Variants in LBP observed in about 807,000 individuals in gnomAD.
LBP encodes lipopolysaccharide binding protein.
A neutral mutation model predicts 56.6 loss-of-function variants in LBP; 53 were observed. The observed-to-expected ratio is 0.94, with a 90% CI of 0.75 to 1.18. The LOEUF is 1.18. Ranked by LOEUF, LBP falls within the 50% of genes most tolerant of loss-of-function variation. LBP has a pLI of 0.00. For missense variants in LBP, 601 were observed against 598.3 expected (o/e 1.00, Z -0.05); for synonymous variants, 227 against 247.5 (o/e 0.92, Z 0.78).
intron 14 of LBP, among the ~76,000 whole-genome samples, chr20:38,374,613 GA>G (rs904330497): frequency 3.8e-4 from 54 of 141,576 alleles, no homozygotes; most frequent in South Asian, 2.0e-3. Flanking sequence ...AAAAAAGAAA[GA>G]AAAAAAAAAG....
chr20:38,374,772 C>G (rs937032973), intron 14 of LBP, among the ~76,000 whole-genome samples: 3 of 145,324 alleles, frequency 2.1e-5, no homozygotes, highest in Middle Eastern at 3.3e-3. Context: ...ACAAGTACTA[C>G]AACCATATAT....
chr20:38,350,720 G>C, intron 2 of LBP, 91 bp from the exon 3 acceptor site: 2 of 1,411,080 alleles, frequency 1.4e-6, no homozygotes, highest in Non-Finnish European at 1.9e-6. Flanking sequence ...TGCTGGTCTA[G>C]TCCCCACTGT....
At chr20:38,352,979 A>G (rs1349983766) in intron 3 of LBP, among the ~76,000 whole-genome samples, 1 of 152,028 alleles carries the variant, frequency 6.6e-6, no homozygotes, top group Non-Finnish European at 1.5e-5. Context: ...CTCTCATTCT[A>G]TTGCTTTAGA....
At chr20:38,350,734 G>A (rs2076817496) in intron 2 of LBP, 77 bp from the exon 3 acceptor site, 5 of 1,514,330 alleles carry the variant, frequency 3.3e-6, no homozygotes, top group Non-Finnish European at 4.5e-6. Flanking sequence ...CCACTGTGGA[G>A]AGGGGAGGCG....
At chr20:38,369,480 A>G (rs1233087590) in intron 10 of LBP, among the ~76,000 whole-genome samples, 4 of 151,452 alleles carry the variant, frequency 2.6e-5, no homozygotes, top group Non-Finnish European at 5.9e-5. Flanking sequence ...GGAGAAAGGT[A>G]TACTGGTGTT....
chr20:38,349,788 G>A, intron 2 of LBP, 126 bp downstream of exon 2: 3 of 648,400 alleles, frequency 4.6e-6, no homozygotes, highest in South Asian at 1.9e-5. Flanking sequence ...CAGACAGTGG[G>A]ATAGTTCCCT....
chr20:38,376,674 A>G lies in LBP; in HGVS notation c.*5A>G, dbSNP rs369170353. The G allele has an allele frequency of 5.5e-5, 89 of 1,613,230 alleles. No homozygotes were observed. In the African/African-American group the frequency reaches 1.0e-3, roughly 19 times the overall value. ...GTCCAATACATGAGAGTTTGAGGAC[A>G]AGAAAGATGAAGCTTGGAGGTCACA... On this transcript the variant is annotated 3_prime_UTR_variant, in exon 15 of 15. Transcript: ENST00000217407.
Position 38,374,598 on chromosome 20 carries a change from AAAAAAAAAAAGAAAG to A in LBP, c.1401+605_1401+619del, listed in dbSNP as rs1214878837. On this transcript the variant is annotated intron_variant, in intron 14 of 14. Coordinates refer to ENST00000217407, the MANE Select transcript of LBP (RefSeq NM_004139.5). ...GGCAACAGAGCAACACTCCGTCAAAAAAAAAAAAAAGAAAGAAAAAAAAAAGAAAGAAAATACTGT... is the reference window on the plus strand; with the variant it reads ...GGCAACAGAGCAACACTCCGTCAAAAAAAAAAAAAAGAAAGAAAATACTGT... 1.4e-3 allele frequency among the ~76,000 whole-genome samples: 216 copies of A among 151,140 alleles called. 3 individuals are homozygous for A. In the East Asian group the frequency reaches 0.034, roughly 23 times the overall value.
intron 8 of LBP, among the ~76,000 whole-genome samples, chr20:38,366,135 A>G (rs2076880898): frequency 6.6e-6 from 1 of 152,160 alleles, no homozygotes. Flanking sequence ...TAATGTCAGG[A>G]TGGTGGGAGA....
At position 38,354,350 on chromosome 20, in the gene LBP, C is replaced by T; in HGVS notation, c.435C>T (p.Gly145=). ...GISISVNLLL[G]SESSGRPTVT... ...GCATTTCGGTCAACCTCCTGTTGGG[C>T]AGCGAGTCCTCCGGGAGGCCCACAG... Residue 145 remains glycine, a synonymous_variant, in exon 4 of 15, where the codon GGC becomes GGT. Coordinates refer to ENST00000217407, the MANE Select transcript of LBP (RefSeq NM_004139.5). 2 of 1,613,762 alleles carry T rather than the reference C, an allele frequency of 1.2e-6. No homozygotes were observed. The highest frequency in any genetic ancestry group is 1.7e-6 in the Non-Finnish European group (2 of 1,179,952).
At chr20:38,367,838 C>A (rs2076887522) in intron 9 of LBP, among the ~76,000 whole-genome samples, 1 of 152,090 alleles carries the variant, frequency 6.6e-6, no homozygotes, top group African/African-American at 2.4e-5. Context: ...AAGAGTCTTG[C>A]CCCAAATTAA....
chr20:38,360,739 T>C lies in LBP; in HGVS notation c.624T>C (p.Asp208=). The C allele has an allele frequency of 6.2e-7, 1 of 1,613,218 alleles. No individual in the cohort carries two copies. The highest frequency in any genetic ancestry group is 8.5e-7 in the Non-Finnish European group (1 of 1,179,216). Residue 208 remains aspartate (D), a synonymous_variant, in exon 6 of 15, where the codon GAT becomes GAC. Coordinates refer to ENST00000217407, the MANE Select transcript of LBP (RefSeq NM_004139.5). ...TGATCCAGAAATCAGTGTCCTCCGA[T>C]CTACAGCCTTATCTCCAAACTCTGC... ...CEMIQKSVSS[D]LQPYLQTLPV... is the part of the protein sequence containing the mutation.
In LBP at chr20:38,346,640, G is replaced by T. The variant is rs1470907447; in HGVS notation, c.124G>T (p.Ala42Ser). 8 of 1,613,216 alleles carry T rather than the reference G, an allele frequency of 5.0e-6. No homozygotes were observed. The highest frequency in any genetic ancestry group is 6.8e-6 in the Non-Finnish European group (8 of 1,179,898). ...GATCACCGACAAGGGACTGCAGTAT[G>T]GTAAGAAGCCACATCTGCTGGCTGG... ...ARITDKGLQYAAQEGLLALQS... is the reference protein window; with the variant it reads ...ARITDKGLQYSAQEGLLALQS... Residue 42 changes from alanine to serine, a missense_variant and splice_region_variant, in exon 1 of 15, where the codon GCG becomes TCG. Physicochemically the swap from Ala to Ser is moderately conservative, Grantham distance 99. Transcript: ENST00000217407.
intron 8 of LBP, 72 bp downstream of exon 8, chr20:38,364,824 C>T: frequency 7.3e-7 from 1 of 1,368,780 alleles, no homozygotes; most frequent in Admixed American, 2.1e-5. Context: ...TCCTTTTCAC[C>T]CCTGTTGACA....
intron 6 of LBP, among the ~76,000 whole-genome samples, chr20:38,362,053 CTT>C (rs1229689650): frequency 5.1e-5 from 6 of 117,666 alleles, no homozygotes; most frequent in African/African-American, 1.3e-4. Context: ...TTTTTGTTTT[CTT>C]TTTTTTTTTT....
intron 10 of LBP, among the ~76,000 whole-genome samples, 174 bp downstream of exon 10, chr20:38,369,336 C>A (rs11536983): frequency 0.013 from 2,052 of 152,260 alleles, 44 homozygotes; most frequent in African/African-American, 0.045. Context: ...CTACCTTACG[C>A]CCCTTGCCAC....
In LBP at chr20:38,360,111, G is replaced by A. The variant is rs193273211; in HGVS notation, c.589-593G>A. ...CACTAAATATATAACAATTAGCTGG[G>A]CGTGGTGGCACATGCCTGTGATCCC... On this transcript the variant is annotated intron_variant, in intron 5 of 14. Coordinates refer to ENST00000217407, the MANE Select transcript of LBP (RefSeq NM_004139.5). Among the ~76,000 whole-genome samples the A allele has an allele frequency of 4.2e-4, 64 of 152,178 alleles. 1 individual carries two copies. In the East Asian group the frequency reaches 0.011, roughly 27 times the overall value.
At chr20:38,366,723 C>T (rs2076883374) in intron 8 of LBP, 46 bp from the exon 9 acceptor site, 1 of 1,566,144 alleles carries the variant, frequency 6.4e-7, no homozygotes, top group Non-Finnish European at 8.8e-7. Context: ...AGACCTTCAG[C>T]TCCAGCGGGA....
intron 14 of LBP, among the ~76,000 whole-genome samples, chr20:38,374,564 T>C (rs1371789407): frequency 3.7e-5 from 5 of 135,184 alleles, no homozygotes; most frequent in Non-Finnish European, 7.7e-5. Flanking sequence ...GCCACTGCAC[T>C]CCAGCCTGGG....
Sources: gnomAD v4.1 joint callset for allele counts (sites outside exome capture counted in the v4.1 genomes callset) on GRCh38, gnomAD v4.1.1 for gene constraint, MANE v1.5 for transcripts, NCBI Gene and HGNC (gene_info 2026-07-23, HGNC 2026-07-21) for gene names.